SYNE1: variants seen among roughly 807,000 people sequenced by gnomAD.
SYNE1 encodes the protein spectrin repeat containing nuclear envelope protein 1.
Under a neutral mutation model 1,111.0 loss-of-function variants are expected in SYNE1, and 616 were observed. That is an observed-to-expected ratio of 0.55 (90% CI 0.52 to 0.59). The LOEUF (loss-of-function observed/expected upper bound fraction) is 0.59. SYNE1 is among the 20% of genes least tolerant of loss of function. The pLI, the probability that SYNE1 is intolerant of heterozygous loss-of-function variation, is 0.00. For synonymous variants in SYNE1, 3,855 were observed against 3,825.8 expected (o/e 1.01, Z -0.28); for missense variants, 10,006 against 10,417.0 (o/e 0.96, Z 1.72).
In SYNE1 at chr6:152,521,249, T is replaced by C. The variant is rs538665279; in HGVS notation, c.226-707A>G. Among the ~76,000 whole-genome samples the C allele has an allele frequency of 5.3e-5, 8 of 152,344 alleles. No individual in the cohort carries two copies. In the East Asian group the frequency reaches 1.5e-3, roughly 29 times the overall value. On this transcript the variant is annotated intron_variant, in intron 5 of 145. Transcript: ENST00000367255. Reference sequence around the variant, plus strand: ...TTCAAAAGCTACATAATGTGCTATTTCTATACTCTTCTTCTGATATGAATG... The same window carrying C: ...TTCAAAAGCTACATAATGTGCTATTCCTATACTCTTCTTCTGATATGAATG...
intron 115 of SYNE1, among the ~76,000 whole-genome samples, chr6:152,226,488 T>C (rs1052419075): frequency 1.3e-5 from 2 of 152,230 alleles, no homozygotes; most frequent in Non-Finnish European, 2.9e-5. Context: ...GCTTCAGGCT[T>C]CTTTGATGAA....
chr6:152,598,144 C>G (rs2099587028), intron 3 of SYNE1, among the ~76,000 whole-genome samples: 1 of 152,132 alleles, frequency 6.6e-6, no homozygotes, highest in Admixed American at 6.5e-5. Flanking sequence ...TGAATTATAG[C>G]TCCCGTGATT....
Position 152,293,697 on chromosome 6 carries a change from T to C in SYNE1, c.17903A>G (p.Tyr5968Cys). ...LYEALERQQK[Y>C]QDSLQSISTK... is the part of the protein sequence containing the mutation. Reference sequence around the variant, plus strand: ...AGAGATGGACTGGAGGGAGTCCTGGTACTTCTGCTGGCGTTCCAAAGCTTC... The same window carrying C: ...AGAGATGGACTGGAGGGAGTCCTGGCACTTCTGCTGGCGTTCCAAAGCTTC... The change falls in exon 95 of 146, where the codon TAC (tyrosine) becomes TGC (cysteine). Residue 5968 changes from tyrosine to cysteine, a missense_variant. Tyr to Cys is a radical substitution (Grantham distance 194). Transcript: ENST00000367255. 1 of 1,614,168 alleles carries C rather than the reference T, an allele frequency of 6.2e-7. No homozygotes were observed. The highest frequency in any genetic ancestry group is 8.5e-7 in the Non-Finnish European group (1 of 1,180,012).
chr6:152,174,719 G>GTGA (rs1286793444), intron 130 of SYNE1, among the ~76,000 whole-genome samples: 7 of 152,230 alleles, frequency 4.6e-5, no homozygotes, highest in African/African-American at 7.2e-5. Context: ...CAATGTGTGC[G>GTGA]TGATGATGGA....
Position 152,332,955 on chromosome 6 carries a change from T to A in SYNE1, c.12794+1053A>T, listed in dbSNP as rs149403328. ...CCTACTGTGAGCCAGAAATATGAGT[T>A]GTTAATATTTACTGGACTAATCCCA... On this transcript the variant is annotated intron_variant, in intron 77 of 145. Coordinates refer to ENST00000367255, the MANE Select transcript of SYNE1 (RefSeq NM_182961.4). Among the ~76,000 whole-genome samples the A allele has an allele frequency of 1.3e-3, 199 of 150,542 alleles. 1 individual carries two copies. The highest frequency in any genetic ancestry group is 4.6e-3 in the African/African-American group (186 of 40,616).
chr6:152,633,259 C>T (rs4870123), intron 2 of SYNE1, among the ~76,000 whole-genome samples: 19,465 of 152,178 alleles, frequency 0.13, 1,699 homozygotes, highest in East Asian at 0.37. Flanking sequence ...AGTCCCTGCA[C>T]CATCTCCAAA....
chr6:152,224,153 A>T (rs999082532), intron 117 of SYNE1, among the ~76,000 whole-genome samples: 2 of 152,174 alleles, frequency 1.3e-5, no homozygotes, highest in Admixed American at 1.3e-4. Context: ...ATATGTTTGG[A>T]GATGCAGATA....
At chr6:152,543,029 AATAT>A (rs2099279290) in intron 3 of SYNE1, among the ~76,000 whole-genome samples, 1 of 152,102 alleles carries the variant, frequency 6.6e-6, no homozygotes, top group Non-Finnish European at 1.5e-5. Context: ...CATAAAATTA[AATAT>A]ATAATCTGAT....
chr6:152,254,766 T>G (rs1190920497), intron 104 of SYNE1, 114 bp downstream of exon 104: 23 of 961,022 alleles, frequency 2.4e-5, no homozygotes, highest in Non-Finnish European at 3.5e-5. Context: ...AATGCTCTTG[T>G]TCTTCATTAC....
At chr6:152,393,176 G>A (rs2097673895) in intron 51 of SYNE1, among the ~76,000 whole-genome samples, 1 of 152,150 alleles carries the variant, frequency 6.6e-6, no homozygotes, top group Admixed American at 6.5e-5. Context: ...GCAATTATTA[G>A]AAAAACAATG....
At chr6:152,440,163 G>A (rs746113198) in intron 32 of SYNE1, among the ~76,000 whole-genome samples, 13 of 151,846 alleles carry the variant, frequency 8.6e-5, no homozygotes, top group African/African-American at 1.7e-4. Flanking sequence ...CCACCCCACC[G>A]CCCTTATTTA....
At position 152,321,157 on chromosome 6, in the gene SYNE1, G is replaced by A; in HGVS notation, c.16236+81C>T. Reference sequence around the variant, plus strand: ...ACTCTGTCTCCAAGAAGACATTATTGTGAAAATCAAGAACTCTCACACAAG... The same window carrying A: ...ACTCTGTCTCCAAGAAGACATTATTATGAAAATCAAGAACTCTCACACAAG... On this transcript the variant is annotated intron_variant, in intron 84 of 145. Transcript: ENST00000367255. 3 of 1,502,950 alleles carry A rather than the reference G, an allele frequency of 2.0e-6. No individual in the cohort carries two copies. In the South Asian group the frequency reaches 3.6e-5, roughly 18 times the overall value. 93.1% of individuals were successfully genotyped at this position (1,502,950 alleles called of 1,614,324 possible). A position where few individuals can be genotyped will look rare whatever the true frequency, so the allele number is the denominator to read the frequency against.
chr6:152,431,384 C>T (rs1038684279), intron 34 of SYNE1, among the ~76,000 whole-genome samples: 2 of 152,154 alleles, frequency 1.3e-5, no homozygotes, highest in African/African-American at 4.8e-5. Context: ...TTGCTATGTA[C>T]TTGACAGAGA....
rs777595583 is a variant in SYNE1, at chr6:152,401,193, T to C, written c.6974A>G (p.Glu2325Gly). ...DITTWFTKVE[E>G]SLMNCAQNET... Reference sequence around the variant, plus strand: ...ATTTTGGGCACAGTTCATCAACGATTCTTCCACTTTTGTGAACCATGTTGT... The same window carrying C: ...ATTTTGGGCACAGTTCATCAACGATCCTTCCACTTTTGTGAACCATGTTGT... The change falls in exon 47 of 146, where the codon GAA (glutamate) becomes GGA (glycine). Residue 2325 changes from glutamate to glycine, a missense_variant. By Grantham distance (98) the Glu-to-Gly change is moderately conservative. Transcript: ENST00000367255. 2.6e-5 allele frequency: 42 copies of C among 1,614,064 alleles called. No individual in the cohort carries two copies. The highest frequency in any genetic ancestry group is 3.3e-4 in the Middle Eastern group (2 of 6,084).
intron 91 of SYNE1, among the ~76,000 whole-genome samples, chr6:152,307,054 C>T (rs1340970605): frequency 1.3e-5 from 2 of 152,136 alleles, no homozygotes; most frequent in Non-Finnish European, 2.9e-5. Context: ...AATTTTGGAT[C>T]TTCCTAGATG....
intron 3 of SYNE1, among the ~76,000 whole-genome samples, chr6:152,575,516 AATTT>A (rs1331971510): frequency 6.6e-6 from 1 of 152,228 alleles, no homozygotes; most frequent in Admixed American, 6.5e-5. Context: ...GTTGTTCAAC[AATTT>A]ATTTATGCAA....
chr6:152,484,491 T>A (rs892995432), intron 13 of SYNE1, among the ~76,000 whole-genome samples: 9 of 152,214 alleles, frequency 5.9e-5, no homozygotes, highest in African/African-American at 2.2e-4. Flanking sequence ...CTCTGGAGAA[T>A]CTGCTACAAG....
intron 3 of SYNE1, among the ~76,000 whole-genome samples, chr6:152,586,900 G>A (rs557310283): frequency 1.3e-5 from 2 of 152,248 alleles, no homozygotes; most frequent in African/African-American, 4.8e-5. Flanking sequence ...CTAGGTCACA[G>A]AAAATAATTG....
intron 63 of SYNE1, among the ~76,000 whole-genome samples, 162 bp downstream of exon 63, chr6:152,364,685 G>GAA (rs2097021982): frequency 1.8e-5 from 2 of 109,082 alleles, no homozygotes; most frequent in South Asian, 6.0e-4. Context: ...GAAGGAGGAA[G>GAA]GAGGAAGGAA....
Sources: gnomAD v4.1 joint callset for allele counts (sites outside exome capture counted in the v4.1 genomes callset) on GRCh38, gnomAD v4.1.1 for gene constraint, MANE v1.5 for transcripts, NCBI Gene and HGNC (gene_info 2026-07-23, HGNC 2026-07-21) for gene names.